The following MDN1 variants were observed in gnomAD, a reference collection of about 807,000 sequenced individuals.
MDN1 encodes the protein midasin.
In MDN1, 266 loss-of-function variants were observed where a neutral mutation model predicts 669.2. That is an observed-to-expected ratio of 0.40 (90% CI 0.36 to 0.44). The LOEUF is 0.44. MDN1 is among the 20% of genes least tolerant of loss of function. The pLI is 1.00. For synonymous variants in MDN1, 2,385 were observed against 2,457.1 expected, an observed-to-expected ratio of 0.97 and a Z score of 0.87; for missense variants, 5,940 against 6,754.0, an observed-to-expected ratio of 0.88 and a Z score of 4.22.
intron 59 of MDN1, among the ~76,000 whole-genome samples, chr6:89,698,459 T>C (rs1310253299): frequency 2.6e-5 from 4 of 152,182 alleles, no homozygotes; most frequent in Non-Finnish European, 5.9e-5. Flanking sequence ...GACATACACA[T>C]TTCTGTTACA....
intron 74 of MDN1, among the ~76,000 whole-genome samples, chr6:89,679,030 G>A (rs1411587713): frequency 6.6e-6 from 1 of 152,124 alleles, no homozygotes; most frequent in Non-Finnish European, 1.5e-5. Context: ...GTATTTAGGG[G>A]TTTTATAATC....
In MDN1 at chr6:89,688,827, G is replaced by A. The variant is rs779421058; in HGVS notation, c.11024-19C>T. On this transcript the variant is annotated intron_variant, in intron 65 of 101. Transcript: ENST00000369393. ...TCAACTCCTGTGAAGTTAACATCAC[G>A]GTAAAGTCAGTGAATTCAGTAAGTT... 11 of 1,589,924 alleles carry A rather than the reference G, an allele frequency of 6.9e-6. No individual in the cohort carries two copies. Among genetic ancestry groups the A allele is most frequent in the Admixed American group, 1.7e-5 (1 of 59,718 alleles).
chr6:89,654,760 A>G (rs1809127534), intron 92 of MDN1, among the ~76,000 whole-genome samples: 1 of 152,188 alleles, frequency 6.6e-6, no homozygotes, highest in Non-Finnish European at 1.5e-5. Flanking sequence ...GAAATGATAA[A>G]TGTTTGAGGT....
intron 2 of MDN1, among the ~76,000 whole-genome samples, chr6:89,795,741 G>A (rs1249304049): frequency 2.0e-5 from 3 of 151,998 alleles, no homozygotes; most frequent in African/African-American, 4.8e-5. Context: ...ATCACCTGAG[G>A]TCAGGAGTTC....
At chr6:89,761,838 A>G in intron 16 of MDN1, 90 bp from the exon 17 acceptor site, 2 of 939,712 alleles carry the variant, frequency 2.1e-6, no homozygotes, top group South Asian at 3.1e-5. Flanking sequence ...AAAACACACA[A>G]AAATTAAGCA....
At chr6:89,663,956 A>G (rs1446959639) in intron 85 of MDN1, among the ~76,000 whole-genome samples, 3 of 136,766 alleles carry the variant, frequency 2.2e-5, no homozygotes, top group African/African-American at 7.8e-5. Flanking sequence ...AAAAAAAAAA[A>G]GAAAGAAAGA....
intron 92 of MDN1, among the ~76,000 whole-genome samples, chr6:89,654,698 T>C (rs1809120989): frequency 6.6e-6 from 1 of 152,158 alleles, no homozygotes; most frequent in South Asian, 2.1e-4. Context: ...CAATAATTTA[T>C]TATATATTTT....
chr6:89,676,263 A>G, intron 76 of MDN1, 56 bp from the exon 77 acceptor site: 1 of 1,490,626 alleles, frequency 6.7e-7, no homozygotes, highest in East Asian at 2.3e-5. Flanking sequence ...CCCACCCCAG[A>G]TCCTGAAAAC....
chr6:89,737,153 T>C (rs1462832366), intron 33 of MDN1, among the ~76,000 whole-genome samples: 2 of 152,094 alleles, frequency 1.3e-5, no homozygotes, highest in Non-Finnish European at 2.9e-5. Context: ...TTCTGGCCAT[T>C]CAAGCAGCAG....
At chr6:89,755,251 C>T (rs1279929668) in intron 20 of MDN1, among the ~76,000 whole-genome samples, 1 of 151,866 alleles carries the variant, frequency 6.6e-6, no homozygotes, top group Non-Finnish European at 1.5e-5. Flanking sequence ...CTATTTAATA[C>T]AGGACTTCAG....
At chr6:89,776,511 G>C in intron 12 of MDN1, 89 bp downstream of exon 12, 1 of 945,120 alleles carries the variant, frequency 1.1e-6, no homozygotes, top group Non-Finnish European at 1.6e-6. Context: ...TGCAAAAGCT[G>C]TTCCAACTAA....
intron 78 of MDN1, 69 bp downstream of exon 78, chr6:89,675,395 G>T: frequency 7.6e-7 from 1 of 1,318,968 alleles, no homozygotes; most frequent in Non-Finnish European, 1.1e-6. Context: ...CCCACATGCA[G>T]CAACTCTGAG....
intron 93 of MDN1, among the ~76,000 whole-genome samples, chr6:89,653,886 TG>T (rs1198908343): frequency 6.6e-6 from 1 of 152,250 alleles, no homozygotes; most frequent in East Asian, 1.9e-4. Flanking sequence ...TGTACTATTC[TG>T]GTTTCTTCTA....
intron 8 of MDN1, 133 bp from the exon 9 acceptor site, chr6:89,785,259 T>G: frequency 9.2e-6 from 6 of 649,426 alleles, no homozygotes; most frequent in Non-Finnish European, 1.6e-5. Flanking sequence ...TTCCAGATAC[T>G]ACACTGTTGG....
rs771073377 is a variant in MDN1 at position 89,712,203 on chromosome 6, G to A, written c.7484C>T (p.Pro2495Leu). 4 of 1,614,138 alleles carry A rather than the reference G, an allele frequency of 2.5e-6. No homozygotes were observed. The East Asian group carries it at 8.9e-5, about 36-fold the overall frequency. ...GACTGCATTGAATTTCAGGTTCTCA[G>A]GGCTGGGGGACTGCATAATTTTCTC... is the stretch of plus-strand genomic sequence containing the variant. Reference protein sequence around the residue: ...DLEKIMQSPSPENLKFNAVEV... With the variant: ...DLEKIMQSPSLENLKFNAVEV... Residue 2495 changes from proline to leucine, a missense_variant, in exon 49 of 102, where the codon CCT becomes CTT. Pro to Leu is a moderately conservative substitution (Grantham distance 98). Coordinates refer to ENST00000369393, the MANE Select transcript of MDN1 (RefSeq NM_014611.3).
intron 33 of MDN1, among the ~76,000 whole-genome samples, chr6:89,734,788 T>C (rs1815843072): frequency 6.6e-6 from 1 of 151,264 alleles, no homozygotes; most frequent in South Asian, 2.1e-4. Flanking sequence ...AATGATACCA[T>C]CTTTCTGGAG....
At chr6:89,726,482 GA>G (rs201576721) in intron 37 of MDN1, among the ~76,000 whole-genome samples, 25,095 of 90,886 alleles carry the variant, frequency 0.28, 2,141 homozygotes, top group East Asian at 0.33. Context: ...AAGAAAAATA[GA>G]AAAAAAAAAA....
At chr6:89,646,703 A>AT (rs1292644313) in intron 99 of MDN1, 100 bp from the exon 100 acceptor site, 2 of 1,016,018 alleles carry the variant, frequency 2.0e-6, no homozygotes, top group Non-Finnish European at 3.0e-6. Flanking sequence ...TGATTATCAG[A>AT]TAACCACCTC....
At chr6:89,792,100 C>T (rs1413768202) in intron 5 of MDN1, among the ~76,000 whole-genome samples, 1 of 151,924 alleles carries the variant, frequency 6.6e-6, no homozygotes, top group Non-Finnish European at 1.5e-5. Flanking sequence ...GATCTCCTGA[C>T]CTCGTGATCT....
Sources: allele counts gnomAD v4.1 joint callset (sites outside exome capture counted in the v4.1 genomes callset), GRCh38; gene constraint gnomAD v4.1.1; transcripts MANE v1.5; gene names NCBI Gene and HGNC (gene_info 2026-07-23, HGNC 2026-07-21).